The following BCKDHB variants were observed in gnomAD, a reference collection of about 807,000 sequenced individuals.
BCKDHB encodes the protein 2-oxoisovalerate dehydrogenase subunit beta, mitochondrial.
In BCKDHB, 41 loss-of-function variants were observed where a neutral mutation model predicts 48.5. That is an observed-to-expected ratio of 0.85 (90% CI 0.66 to 1.10). The LOEUF is 1.10. Ranked by LOEUF, BCKDHB falls within the 50% of genes least tolerant of loss-of-function variation. The pLI, the probability that BCKDHB is intolerant of heterozygous loss-of-function variation, is 0.00. For missense variants in BCKDHB, 496 were observed against 494.2 expected (o/e 1.00, Z -0.03); for synonymous variants, 201 against 174.8 (o/e 1.15, Z -1.18).
intron 9 of BCKDHB, among the ~76,000 whole-genome samples, chr6:80,292,252 C>T (rs895001118): frequency 6.6e-6 from 1 of 152,144 alleles, no homozygotes; most frequent in African/African-American, 2.4e-5. Flanking sequence ...GTGTATTAGT[C>T]TATTCTCACA....
intron 6 of BCKDHB, among the ~76,000 whole-genome samples, chr6:80,178,182 A>C (rs754429186): frequency 6.6e-6 from 1 of 152,180 alleles, no homozygotes; most frequent in Non-Finnish European, 1.5e-5. Flanking sequence ...GTGGAGTCAG[A>C]GTTTAACTTT....
chr6:80,136,475 C>G (rs140995199), intron 3 of BCKDHB, among the ~76,000 whole-genome samples: 1 of 151,978 alleles, frequency 6.6e-6, no homozygotes, highest in Non-Finnish European at 1.5e-5. Context: ...AAATAGATCA[C>G]AGACTTAAAT....
chr6:80,319,748 C>T (rs573330675), intron 9 of BCKDHB, among the ~76,000 whole-genome samples: 3 of 152,258 alleles, frequency 2.0e-5, no homozygotes, highest in Non-Finnish European at 2.9e-5. Flanking sequence ...GTAAATTATG[C>T]ATGTATTTGT....
chr6:80,257,882 C>T (rs1034824932), intron 8 of BCKDHB, among the ~76,000 whole-genome samples: 9 of 152,008 alleles, frequency 5.9e-5, no homozygotes, highest in Admixed American at 3.9e-4. Context: ...TTCGGACTCC[C>T]AGCAGATTGG....
At chr6:80,176,841 G>A (rs1335467578) in intron 6 of BCKDHB, among the ~76,000 whole-genome samples, 1 of 152,122 alleles carries the variant, frequency 6.6e-6, no homozygotes, top group Non-Finnish European at 1.5e-5. Flanking sequence ...ATAAAGCTCC[G>A]AGTAAAAGAT....
the BCKDHB span, among the ~76,000 whole-genome samples, chr6:80,395,206 C>G: frequency 6.6e-6 from 1 of 152,106 alleles, no homozygotes; most frequent in African/African-American, 2.4e-5. Flanking sequence ...AACTGGATAA[C>G]AGAGCTTGGA....
At chr6:80,206,539 GTT>G (rs1774669046) in intron 8 of BCKDHB, among the ~76,000 whole-genome samples, 1 of 143,134 alleles carries the variant, frequency 7.0e-6, no homozygotes, top group African/African-American at 2.7e-5. Context: ...ACCCTAGAAA[GTT>G]TGTGTGTGTG....
chr6:80,190,923 C>G (rs3828754), intron 6 of BCKDHB, among the ~76,000 whole-genome samples: 55,191 of 151,962 alleles, frequency 0.36, 11,955 homozygotes, highest in East Asian at 0.56. Flanking sequence ...TTGCAGTGAC[C>G]GTTGTTCCAC....
the BCKDHB span, among the ~76,000 whole-genome samples, chr6:80,445,893 A>G: frequency 3.9e-5 from 6 of 152,240 alleles, no homozygotes; most frequent in Non-Finnish European, 7.3e-5. Context: ...TAGTAGGTGC[A>G]CATAAGTGAA....
At chr6:80,429,319 T>A in the BCKDHB span, among the ~76,000 whole-genome samples, 3 of 152,200 alleles carry the variant, frequency 2.0e-5, no homozygotes, top group Non-Finnish European at 2.9e-5. Context: ...GCCTCCAGCT[T>A]TGTTCTTTTT....
At position 80,168,966 on chromosome 6, in the gene BCKDHB, G is replaced by A; in HGVS notation, c.569G>A (p.Gly190Asp). ...ATCCGGTCCCCTTGGGGCTGTGTTG[G>A]TCATGGGGCTCTCTATCATTCTCAG... Reference protein sequence around the residue: ...LTIRSPWGCVGHGALYHSQSP... With the variant: ...LTIRSPWGCVDHGALYHSQSP... The change falls in exon 5 of 10, where the codon GGT (glycine) becomes GAT (aspartate). Residue 190 changes from glycine (G) to aspartate (D), a missense_variant. By Grantham distance (94) the Gly-to-Asp change is moderately conservative (BLOSUM62 -1). Transcript: ENST00000320393. The A allele has an allele frequency of 6.2e-7, 1 of 1,614,180 alleles. No homozygotes were observed. The highest frequency in any genetic ancestry group is 8.5e-7 in the Non-Finnish European group (1 of 1,180,010).
rs1378605375 is a variant in BCKDHB at position 80,200,983 on chromosome 6, A to T, written c.792A>T (p.Glu264Asp). The T allele has an allele frequency of 1.2e-6, 2 of 1,613,304 alleles. No homozygotes were observed. The highest frequency in any genetic ancestry group is 4.5e-5 in the East Asian group (2 of 44,838). ...EPYNIPLSQA[E>D]VIQEGSDVTL... ...ACAACATCCCACTGTCCCAGGCCGAAGTCATACAGGAAGGGAGTGATGTTA... is the reference window on the plus strand; with the variant it reads ...ACAACATCCCACTGTCCCAGGCCGATGTCATACAGGAAGGGAGTGATGTTA... Residue 264 changes from glutamate (E) to aspartate (D), a missense_variant, in exon 7 of 10, where the codon GAA (glutamate) becomes GAT (aspartate). By Grantham distance (45) the Glu-to-Asp change is conservative. Transcript: ENST00000320393.
chr6:80,365,091 T>A, the BCKDHB span, among the ~76,000 whole-genome samples: 15 of 151,556 alleles, frequency 9.9e-5, no homozygotes, highest in Admixed American at 5.9e-4. Flanking sequence ...GAACTACTAA[T>A]AAGGGTCTAA....
the BCKDHB span, among the ~76,000 whole-genome samples, chr6:80,380,504 A>T: frequency 6.6e-6 from 1 of 151,944 alleles, no homozygotes; most frequent in African/African-American, 2.4e-5. Flanking sequence ...TCTAGAAAAA[A>T]CTCTTCTGGA....
rs112587241 is a variant in BCKDHB, at chr6:80,200,719, C to G, written c.743-215C>G. Among the ~76,000 whole-genome samples, 259 of 152,090 alleles carry G rather than the reference C, an allele frequency of 1.7e-3. 1 individual carries two copies. The highest frequency in any genetic ancestry group is 6.0e-3 in the African/African-American group (250 of 41,494). Reference sequence around the variant, plus strand: ...AGTTTATTTTTTTGTTCCAAGATAGCTGATATGTTTTATACATTTATATTG... The same window carrying G: ...AGTTTATTTTTTTGTTCCAAGATAGGTGATATGTTTTATACATTTATATTG... On this transcript the variant is annotated intron_variant, in intron 6 of 9. Coordinates refer to ENST00000320393, the MANE Select transcript of BCKDHB (RefSeq NM_183050.4).
intron 1 of BCKDHB, among the ~76,000 whole-genome samples, chr6:80,117,784 T>G (rs2127713989): frequency 6.6e-6 from 1 of 152,376 alleles, no homozygotes. Flanking sequence ...GAAACAATGC[T>G]TATCACTGGC....
At chr6:80,383,382 C>G in the BCKDHB span, among the ~76,000 whole-genome samples, 8 of 151,828 alleles carry the variant, frequency 5.3e-5, no homozygotes, top group African/African-American at 1.9e-4. Context: ...TTTTTCTAGT[C>G]TTTTTTGCCA....
At chr6:80,201,247 A>G (rs1774382451) in intron 7 of BCKDHB, among the ~76,000 whole-genome samples, 1 of 152,206 alleles carries the variant, frequency 6.6e-6, no homozygotes, top group Non-Finnish European at 1.5e-5. Context: ...ATGATTTGAT[A>G]TATGCATACA....
chr6:80,370,967 T>C, the BCKDHB span, among the ~76,000 whole-genome samples: 1 of 152,152 alleles, frequency 6.6e-6, no homozygotes, highest in African/African-American at 2.4e-5. Context: ...CAAATATCTT[T>C]TTCATATAAT....
Sources: allele counts gnomAD v4.1 joint callset (sites outside exome capture counted in the v4.1 genomes callset), GRCh38; gene constraint gnomAD v4.1.1; transcripts MANE v1.5; gene names NCBI Gene and HGNC (gene_info 2026-07-23, HGNC 2026-07-21).